The following OR1J2 variants were observed in gnomAD, a reference collection of about 807,000 sequenced individuals.
OR1J2 encodes olfactory receptor 1J2.
For synonymous variants in OR1J2, 142 were observed against 99.7 expected (o/e 1.42, Z -2.52); for missense variants, 304 against 246.1 (o/e 1.24, Z -1.57).
At chr9:122,457,545 A>C in the OR1J2 span, among the ~76,000 whole-genome samples, 3 of 152,078 alleles carry the variant, frequency 2.0e-5, no homozygotes, top group African/African-American at 7.2e-5. Context: ...AAAAAAAAAA[A>C]GTTCTCAAAC....
upstream of OR1J2, among the ~76,000 whole-genome samples, chr9:122,507,369 T>C (rs930308030): frequency 6.6e-6 from 1 of 152,226 alleles, no homozygotes; most frequent in Non-Finnish European, 1.5e-5. Flanking sequence ...CACTCAGTTA[T>C]CCTCTTGCCA....
At chr9:122,461,186 G>A in the OR1J2 span, among the ~76,000 whole-genome samples, 15 of 152,004 alleles carry the variant, frequency 9.9e-5, no homozygotes, top group Non-Finnish European at 2.1e-4. Context: ...TCCTTGTTTT[G>A]TTCCAGTTCT....
chr9:122,489,280 A>AATATAT, the OR1J2 span, among the ~76,000 whole-genome samples: 1 of 149,586 alleles, frequency 6.7e-6, no homozygotes, highest in Non-Finnish European at 1.5e-5. Context: ...TCCATATATA[A>AATATAT]ATATATATAT....
chr9:122,478,220 T>C, the OR1J2 span, among the ~76,000 whole-genome samples: 2 of 152,254 alleles, frequency 1.3e-5, no homozygotes, highest in Admixed American at 1.3e-4. Context: ...GTATTGTAAG[T>C]GATTCAATAG....
chr9:122,567,520 A>G, the OR1J2 span: 1 of 1,484,850 alleles, frequency 6.7e-7, no homozygotes, highest in South Asian at 1.3e-5. Flanking sequence ...AGCAGATTCC[A>G]CTTACGAGTT....
At chr9:122,513,171 C>G (rs1314156327), downstream of OR1J2, among the ~76,000 whole-genome samples, 1 of 152,092 alleles carries the variant, frequency 6.6e-6, no homozygotes, top group Non-Finnish European at 1.5e-5. Context: ...TATTTTTACC[C>G]CAGTCTTTAT....
the OR1J2 span, among the ~76,000 whole-genome samples, chr9:122,467,992 C>T: frequency 6.6e-6 from 1 of 152,294 alleles, no homozygotes; most frequent in East Asian, 1.9e-4. Context: ...TTCACCTGGA[C>T]ATTAATGCCT....
the OR1J2 span, among the ~76,000 whole-genome samples, chr9:122,558,520 T>C: frequency 6.6e-6 from 1 of 151,712 alleles, no homozygotes; most frequent in Non-Finnish European, 1.5e-5. Context: ...CTTCATACTT[T>C]CTGCAGTTAG....
chr9:122,482,144 A>G, the OR1J2 span, among the ~76,000 whole-genome samples: 1 of 152,186 alleles, frequency 6.6e-6, no homozygotes, highest in African/African-American at 2.4e-5. Context: ...AGAATATATA[A>G]GGAACTGAAA....
chr9:122,470,679 C>T, the OR1J2 span, among the ~76,000 whole-genome samples: 1 of 152,200 alleles, frequency 6.6e-6, no homozygotes, highest in African/African-American at 2.4e-5. Context: ...AAGCCATGGA[C>T]ACTCAATGCC....
the OR1J2 span, chr9:122,554,326 C>A: frequency 1.7e-6 from 1 of 600,582 alleles, no homozygotes; most frequent in South Asian, 2.1e-5. Flanking sequence ...TTTTATTAGG[C>A]TGTGGAATGA....
chr9:122,500,638 A>G, the OR1J2 span, among the ~76,000 whole-genome samples: 7 of 152,274 alleles, frequency 4.6e-5, no homozygotes, highest in African/African-American at 1.7e-4. Context: ...AGATGAGGTC[A>G]AAGACTAAAG....
the OR1J2 span, among the ~76,000 whole-genome samples, chr9:122,552,209 G>A: frequency 2.0e-5 from 3 of 152,014 alleles, no homozygotes; most frequent in Non-Finnish European, 2.9e-5. Context: ...ACAAATGGAG[G>A]ACTAAAATAG....
chr9:122,554,070 A>G, the OR1J2 span: 79 of 1,613,598 alleles, frequency 4.9e-5, no homozygotes, highest in Non-Finnish European at 6.5e-5. Flanking sequence ...GATTATTCCC[A>G]CGCTAAACCC....
At chr9:122,519,441 A>G in the OR1J2 span, 3 of 1,614,132 alleles carry the variant, frequency 1.9e-6, no homozygotes, top group Non-Finnish European at 2.5e-6. Context: ...TGTAACTCAG[A>G]TGTATTTTTT....
the OR1J2 span, chr9:122,519,531 C>T: frequency 4.1e-5 from 66 of 1,614,116 alleles, no homozygotes; most frequent in East Asian, 1.8e-4. Context: ...TCACCCCCTC[C>T]GCTACACCAC....
chr9:122,461,673 C>A, the OR1J2 span, among the ~76,000 whole-genome samples: 2 of 152,066 alleles, frequency 1.3e-5, no homozygotes, highest in African/African-American at 4.8e-5. Flanking sequence ...TCATTGTTGA[C>A]CCAATGATCA....
At chr9:122,501,866 A>C in the OR1J2 span, among the ~76,000 whole-genome samples, 1 of 152,234 alleles carries the variant, frequency 6.6e-6, no homozygotes, top group East Asian at 1.9e-4. Flanking sequence ...AGACAGGGAA[A>C]AGTGAGGAGT....
the OR1J2 span, among the ~76,000 whole-genome samples, chr9:122,516,973 G>C: frequency 6.6e-6 from 1 of 152,158 alleles, no homozygotes; most frequent in East Asian, 1.9e-4. Context: ...TCAGGAGGGA[G>C]AAATAAAGGA....
Sources: allele counts gnomAD v4.1 joint callset (sites outside exome capture counted in the v4.1 genomes callset), GRCh38; gene constraint gnomAD v4.1.1; transcripts MANE v1.5; gene names NCBI Gene and HGNC (gene_info 2026-07-23, HGNC 2026-07-21).